IL13RA1: variants seen among roughly 807,000 people sequenced by gnomAD.
IL13RA1 encodes interleukin-13 receptor subunit alpha-1.
Under a neutral mutation model 33.8 loss-of-function variants are expected in IL13RA1, and 14 were observed. The observed-to-expected ratio is 0.41, with a 90% CI of 0.27 to 0.65. The LOEUF (loss-of-function observed/expected upper bound fraction) is 0.65. IL13RA1 is among the 30% of genes least tolerant of loss of function. The pLI is 0.28. For missense variants in IL13RA1, 313 were observed against 327.0 expected, an observed-to-expected ratio of 0.96 and a Z score of 0.33; for synonymous variants, 116 against 115.7, an observed-to-expected ratio of 1.00 and a Z score of -0.02.
At chrX:118,783,755 T>TACACAC (rs142945515) in intron 10 of IL13RA1, among the ~76,000 whole-genome samples, 3,479 of 100,879 alleles carry the variant, frequency 0.034, 89 homozygotes, top group South Asian at 0.089. Context: ...AAATCCATAT[T>TACACAC]ACACACACAC....
the IL13RA1 span, among the ~76,000 whole-genome samples, chrX:118,804,023 C>T: frequency 9.8e-6 from 1 of 101,756 alleles, no homozygotes; most frequent in East Asian, 3.0e-4. Context: ...ATGGTGCGAT[C>T]TCGGCTCGCT....
chrX:118,745,380 CTT>C (rs2017391870), intron 2 of IL13RA1, among the ~76,000 whole-genome samples: 1 of 111,184 alleles, frequency 9.0e-6, no homozygotes, highest in East Asian at 2.8e-4. Flanking sequence ...GTATCACCCT[CTT>C]TTTCCTGCCT....
At chrX:118,790,615 C>A (rs1474768888) in intron 10 of IL13RA1, among the ~76,000 whole-genome samples, 1 of 111,690 alleles carries the variant, frequency 9.0e-6, no homozygotes, top group Non-Finnish European at 1.9e-5. Context: ...ACATAGAGAT[C>A]TAGTTTCTCT....
intron 6 of IL13RA1, among the ~76,000 whole-genome samples, chrX:118,763,400 G>T (rs1365354180): frequency 8.9e-6 from 1 of 111,975 alleles, no homozygotes; most frequent in Admixed American, 9.5e-5. Context: ...CATTTTACAA[G>T]ATAAGAAAAC....
chrX:118,782,550 C>T (rs1188464346), intron 10 of IL13RA1, among the ~76,000 whole-genome samples: 1 of 110,625 alleles, frequency 9.0e-6, no homozygotes, highest in Non-Finnish European at 1.9e-5. Flanking sequence ...CCTCATAGTA[C>T]CAAGTTATTC....
intron 8 of IL13RA1, among the ~76,000 whole-genome samples, chrX:118,773,103 T>C (rs1206316124): frequency 8.9e-6 from 1 of 112,424 alleles, no homozygotes; most frequent in Non-Finnish European, 1.9e-5. Flanking sequence ...AGCCCTCCTC[T>C]ATTTTGAAAA....
chrX:118,777,843 T>C (rs955836527), intron 10 of IL13RA1, among the ~76,000 whole-genome samples: 2 of 111,916 alleles, frequency 1.8e-5, no homozygotes, highest in South Asian at 3.7e-4. Flanking sequence ...TAAATATTAT[T>C]ATCATTGTGT....
intron 10 of IL13RA1, among the ~76,000 whole-genome samples, chrX:118,789,784 C>T (rs2017957439): frequency 9.0e-6 from 1 of 110,618 alleles, no homozygotes; most frequent in African/African-American, 3.3e-5. Context: ...TTTTCTAGTA[C>T]TTATTTGATT....
intron 2 of IL13RA1, among the ~76,000 whole-genome samples, chrX:118,745,774 C>T (rs1024818958): frequency 4.5e-5 from 5 of 111,708 alleles, no homozygotes; most frequent in Non-Finnish European, 9.4e-5. Flanking sequence ...AGGAGGTGCT[C>T]TCCTTGGAGC....
chrX:118,803,723 G>A, the IL13RA1 span, among the ~76,000 whole-genome samples: 2 of 110,815 alleles, frequency 1.8e-5, no homozygotes, highest in African/African-American at 3.3e-5. Flanking sequence ...CTTTAAAATC[G>A]TACTACATTG....
At chrX:118,765,868 C>G (rs1285470987) in intron 6 of IL13RA1, among the ~76,000 whole-genome samples, 1 of 112,154 alleles carries the variant, frequency 8.9e-6, no homozygotes, top group East Asian at 2.8e-4. Context: ...TTTCTCATGA[C>G]CAGTGATGTT....
chrX:118,732,813 A>G, intron 1 of IL13RA1, among the ~76,000 whole-genome samples: 1 of 111,967 alleles, frequency 8.9e-6, no homozygotes, highest in Admixed American at 9.5e-5. Flanking sequence ...ATTGTTGGAC[A>G]TTTGGGTTGG....
At chrX:118,772,472 TA>T (rs2017733683) in intron 8 of IL13RA1, among the ~76,000 whole-genome samples, 1 of 112,691 alleles carries the variant, frequency 8.9e-6, no homozygotes, top group South Asian at 3.6e-4. Context: ...AAGTCTTAGC[TA>T]AAATGATTCC....
chrX:118,752,055 T>C lies in IL13RA1; in HGVS notation c.488+2277T>C, dbSNP rs376849722. 6.3e-5 allele frequency among the ~76,000 whole-genome samples: 7 copies of C among 110,648 alleles called. No homozygotes were observed. The South Asian group carries it at 2.7e-3, about 43-fold the overall frequency. ...GCCAGAAGTTCTGTGTGGTTATGTCTGAGGTCTGTTTCTTTTTCCCCCCCT... is the reference window on the plus strand; with the variant it reads ...GCCAGAAGTTCTGTGTGGTTATGTCCGAGGTCTGTTTCTTTTTCCCCCCCT... On this transcript the variant is annotated intron_variant, in intron 4 of 10. Coordinates refer to ENST00000371666, the MANE Select transcript of IL13RA1 (RefSeq NM_001560.3).
chrX:118,771,838 G>A (rs111587655), intron 8 of IL13RA1, among the ~76,000 whole-genome samples: 2,934 of 111,344 alleles, frequency 0.026, 95 homozygotes, highest in African/African-American at 0.089. Context: ...GCTGGGCATG[G>A]TGGCAGATGC....
At chrX:118,727,831 G>T (rs2017171332) in intron 1 of IL13RA1, 105 bp downstream of exon 1, 4 of 322,248 alleles carry the variant, frequency 1.2e-5, no homozygotes, top group Middle Eastern at 9.9e-4. Context: ...GGCCGAAGCT[G>T]GGGTGGGTGC....
chrX:118,742,668 C>T (rs992364028), intron 2 of IL13RA1, among the ~76,000 whole-genome samples: 3 of 111,395 alleles, frequency 2.7e-5, no homozygotes, highest in South Asian at 7.4e-4. Context: ...TATCTCTTCC[C>T]GTTTCAAGCT....
chrX:118,732,867 G>A (rs909052248), intron 1 of IL13RA1, among the ~76,000 whole-genome samples: 3 of 111,615 alleles, frequency 2.7e-5, no homozygotes, highest in Non-Finnish European at 3.8e-5. Context: ...ATAAACATAC[G>A]TGTGCATGTG....
intron 1 of IL13RA1, among the ~76,000 whole-genome samples, chrX:118,740,789 C>A (rs751604259): frequency 1.8e-5 from 2 of 111,942 alleles, no homozygotes; most frequent in South Asian, 7.4e-4. Flanking sequence ...TCTCAAAAAA[C>A]AACAACAACA....
Sources: allele counts gnomAD v4.1 joint callset (sites outside exome capture counted in the v4.1 genomes callset), GRCh38; gene constraint gnomAD v4.1.1; transcripts MANE v1.5; gene names NCBI Gene and HGNC (gene_info 2026-07-23, HGNC 2026-07-21).